The following RNF144A variants were observed in gnomAD, a reference collection of about 807,000 sequenced individuals.
The protein encoded by RNF144A is ring finger protein 144A, also known as E3 ubiquitin-protein ligase RNF144A.
Under a neutral mutation model 38.7 loss-of-function variants are expected in RNF144A, and 11 were observed. The ratio of observed to expected loss-of-function variants is 0.28; its 90% CI spans 0.18 to 0.47. The LOEUF is 0.47. RNF144A is among the 20% of genes least tolerant of loss of function. RNF144A has a pLI of 0.99. For missense variants in RNF144A, 316 were observed against 377.2 expected, an observed-to-expected ratio of 0.84 and a Z score of 1.34; for synonymous variants, 149 against 143.9, an observed-to-expected ratio of 1.04 and a Z score of -0.25.
intron 1 of RNF144A, among the ~76,000 whole-genome samples, chr2:6,932,256 G>A (rs1665255290): frequency 6.6e-6 from 1 of 152,056 alleles, no homozygotes; most frequent in South Asian, 2.1e-4. Context: ...ATTAGTGTTA[G>A]CATGGTATAT....
chr2:7,022,824 A>G (rs1351424691), intron 6 of RNF144A, among the ~76,000 whole-genome samples: 2 of 152,104 alleles, frequency 1.3e-5, no homozygotes, highest in Non-Finnish European at 2.9e-5. Context: ...CACATATGCT[A>G]TCTCGTTTGC....
chr2:7,014,694 CA>C lies in RNF144A; in HGVS notation c.241-17del, dbSNP rs1406412655. 6.8e-7 allele frequency: 1 copy of C among 1,471,172 alleles called. No individual in the cohort carries two copies. Among genetic ancestry groups the C allele is most frequent in the African/African-American group, 1.6e-5 (1 of 63,676 alleles). The allele number at this position is 1,471,172 out of a possible 1,614,324, so 91.1% of individuals were successfully genotyped here. On this transcript the variant is annotated splice_polypyrimidine_tract_variant and intron_variant, in intron 4 of 8. Transcript: ENST00000320892. ...CTCAGCTTGTTATCATTCCTGTTTGCATTTTTTTTTCCCTTAGATTGAGTGC... is the reference window on the plus strand; with the variant it reads ...CTCAGCTTGTTATCATTCCTGTTTGCTTTTTTTTTCCCTTAGATTGAGTGC...
chr2:7,020,945 A>G (rs72781800), intron 6 of RNF144A, among the ~76,000 whole-genome samples: 6,815 of 152,322 alleles, frequency 0.045, 167 homozygotes, highest in Middle Eastern at 0.078. Context: ...CTTGGCTGGA[A>G]TGACAAATGC....
chr2:6,968,928 G>C (rs1243526705), intron 2 of RNF144A, among the ~76,000 whole-genome samples: 2 of 152,162 alleles, frequency 1.3e-5, no homozygotes, highest in African/African-American at 2.4e-5. Context: ...GGTTCCTGCT[G>C]GTCAGATGAG....
chr2:6,992,367 G>A (rs888986560), intron 2 of RNF144A, among the ~76,000 whole-genome samples: 1 of 152,228 alleles, frequency 6.6e-6, no homozygotes, highest in East Asian at 1.9e-4. Flanking sequence ...AGAGAGCGCT[G>A]CTTGCGAAGC....
intron 1 of RNF144A, among the ~76,000 whole-genome samples, chr2:6,925,586 G>T (rs1340140366): frequency 6.6e-6 from 1 of 152,128 alleles, no homozygotes; most frequent in African/African-American, 2.4e-5. Context: ...GATCTGATGT[G>T]GGCAAGCCGC....
chr2:7,001,508 C>G (rs1670100299), intron 3 of RNF144A, among the ~76,000 whole-genome samples: 1 of 151,894 alleles, frequency 6.6e-6, no homozygotes, highest in South Asian at 2.1e-4. Context: ...GAGACCTTGT[C>G]TCTACAAAAA....
Position 7,043,613 on chromosome 2 carries a change from G to A in RNF144A, c.*3853G>A, listed in dbSNP as rs1241503348. The A allele has an allele frequency of 1.0e-6, 1 of 985,540 alleles. No individual in the cohort carries two copies. Among genetic ancestry groups the A allele is most frequent in the Admixed American group, 6.1e-5 (1 of 16,268 alleles). The allele number at this position is 985,540 out of a possible 1,614,324, so 61.0% of individuals were successfully genotyped here. A position where few individuals can be genotyped will look rare whatever the true frequency, so the allele number is the denominator to read the frequency against. Reference sequence around the variant, plus strand: ...AAAATAAACAAAATGAAGGGATTATGACAGGTATTACCAAAAACACCAAAA... The same window carrying A: ...AAAATAAACAAAATGAAGGGATTATAACAGGTATTACCAAAAACACCAAAA... On this transcript the variant is annotated 3_prime_UTR_variant, in exon 9 of 9. Coordinates refer to ENST00000320892, the MANE Select transcript of RNF144A (RefSeq NM_014746.6).
intron 2 of RNF144A, among the ~76,000 whole-genome samples, chr2:6,973,474 G>A (rs569863444): frequency 1.3e-5 from 2 of 152,310 alleles, no homozygotes; most frequent in African/African-American, 4.8e-5. Flanking sequence ...GGTGGCCCGG[G>A]TAGCAGGTCC....
At chr2:7,054,685 C>A (rs1458546993) in intron 6 of RNF144A, among the ~76,000 whole-genome samples, 1 of 152,156 alleles carries the variant, frequency 6.6e-6, no homozygotes, top group South Asian at 2.1e-4. Flanking sequence ...GTCTTTTCCA[C>A]CATGAGAGGA....
At chr2:7,071,057 C>T (rs2103486011), downstream of RNF144A, among the ~76,000 whole-genome samples, 1 of 151,932 alleles carries the variant, frequency 6.6e-6, no homozygotes. Context: ...GCCTCAGCCT[C>T]CCAAGTAGCT....
chr2:7,044,903 G>T (rs1002895158), downstream of RNF144A, among the ~76,000 whole-genome samples: 1 of 152,186 alleles, frequency 6.6e-6, no homozygotes, highest in Non-Finnish European at 1.5e-5. Context: ...CAATATATCT[G>T]CCCTCAAGGA....
chr2:6,975,522 A>T (rs142908490), intron 2 of RNF144A, among the ~76,000 whole-genome samples: 8 of 152,198 alleles, frequency 5.3e-5, no homozygotes, highest in Non-Finnish European at 8.8e-5. Flanking sequence ...AACTCCTTCA[A>T]TGAAAATCTT....
intron 5 of RNF144A, among the ~76,000 whole-genome samples, chr2:7,016,589 G>T (rs1469431110): frequency 1.4e-5 from 2 of 145,466 alleles, no homozygotes; most frequent in Non-Finnish European, 1.5e-5. Context: ...TCCCTTTAAA[G>T]CATTTTACTA....
At chr2:6,969,875 C>T (rs1185607737) in intron 2 of RNF144A, among the ~76,000 whole-genome samples, 1 of 152,178 alleles carries the variant, frequency 6.6e-6, no homozygotes, top group Admixed American at 6.5e-5. Context: ...CATTCTCCTG[C>T]CTCAGCCTCC....
chr2:7,008,505 C>T (rs893986915), intron 3 of RNF144A, among the ~76,000 whole-genome samples: 13 of 152,230 alleles, frequency 8.5e-5, no homozygotes, highest in Non-Finnish European at 1.8e-4. Flanking sequence ...ACACAGGCCC[C>T]CTCCCGACAC....
chr2:6,985,227 T>G (rs1668871276), intron 2 of RNF144A, among the ~76,000 whole-genome samples: 1 of 151,326 alleles, frequency 6.6e-6, no homozygotes, highest in African/African-American at 2.4e-5. Context: ...TTTGAACAGA[T>G]TTAGTGTCAT....
chr2:6,986,188 G>A (rs1668950911), intron 2 of RNF144A, among the ~76,000 whole-genome samples: 1 of 152,144 alleles, frequency 6.6e-6, no homozygotes, highest in South Asian at 2.1e-4. Flanking sequence ...GTTCCATGAA[G>A]GTACAGTGAC....
chr2:6,953,322 G>A (rs1208128379), intron 2 of RNF144A, among the ~76,000 whole-genome samples: 1 of 151,992 alleles, frequency 6.6e-6, no homozygotes, highest in Non-Finnish European at 1.5e-5. Context: ...CCAGCTACTC[G>A]GGAGGCTGAG....
Sources: gnomAD v4.1 joint callset for allele counts (sites outside exome capture counted in the v4.1 genomes callset) on GRCh38, gnomAD v4.1.1 for gene constraint, MANE v1.5 for transcripts, NCBI Gene and HGNC (gene_info 2026-07-23, HGNC 2026-07-21) for gene names.